DENND5A: variants seen among roughly 807,000 people sequenced by gnomAD.
DENND5A encodes DENN domain containing 5A, also known as DENN domain-containing protein 5A.
A neutral mutation model predicts 140.3 loss-of-function variants in DENND5A; 64 were observed. That is an observed-to-expected ratio of 0.46 (90% CI 0.37 to 0.56). The LOEUF (loss-of-function observed/expected upper bound fraction) is 0.56. Among genes scored for constraint, DENND5A ranks in the 20% least tolerant of loss-of-function variants. The pLI, the probability that DENND5A is intolerant of heterozygous loss-of-function variation, is 0.00. For synonymous variants in DENND5A, 605 were observed against 607.7 expected (o/e 1.00, Z 0.07); for missense variants, 1,292 against 1,593.8 (o/e 0.81, Z 3.22).
At chr11:9,196,968 A>T (rs1849351007) in intron 4 of DENND5A, among the ~76,000 whole-genome samples, 1 of 151,920 alleles carries the variant, frequency 6.6e-6, no homozygotes, top group African/African-American at 2.4e-5. Flanking sequence ...TAATTTAAAG[A>T]ATATTAAAAT....
At position 9,225,655 on chromosome 11, in the gene DENND5A, G is replaced by A. The variant is rs187963812; in HGVS notation, c.110-18023C>T. Among the ~76,000 whole-genome samples, 578 of 152,228 alleles carry A rather than the reference G, an allele frequency of 3.8e-3. 5 individuals are homozygous for A. Among genetic ancestry groups the A allele is most frequent in the African/African-American group, 0.013 (552 of 41,532 alleles). ...GCACATACCTATAATCTGGCTACTC[G>A]GGTGGCTGAGGCAGGGGAATCACTT... On this transcript the variant is annotated intron_variant, in intron 1 of 22. Coordinates refer to ENST00000328194, the MANE Select transcript of DENND5A (RefSeq NM_015213.4).
At chr11:9,206,213 A>T (rs1051003382) in intron 3 of DENND5A, among the ~76,000 whole-genome samples, 3 of 152,226 alleles carry the variant, frequency 2.0e-5, no homozygotes, top group Non-Finnish European at 2.9e-5. Context: ...CTTCCACATG[A>T]GATTTTTAAA....
chr11:9,206,130 T>C (rs561194484), intron 3 of DENND5A, among the ~76,000 whole-genome samples: 104 of 152,352 alleles, frequency 6.8e-4, no homozygotes, highest in Admixed American at 1.2e-3. Context: ...AGTTAATTCA[T>C]ATAAAATGCT....
At chr11:9,243,115 A>C (rs969831048) in intron 1 of DENND5A, among the ~76,000 whole-genome samples, 6 of 149,850 alleles carry the variant, frequency 4.0e-5, no homozygotes. Flanking sequence ...CAAAAAAAAA[A>C]ACTGAGGCGA....
chr11:9,227,002 C>G (rs980111917), intron 1 of DENND5A, among the ~76,000 whole-genome samples: 3 of 151,912 alleles, frequency 2.0e-5, no homozygotes, highest in African/African-American at 7.3e-5. Context: ...AACCCTGTCT[C>G]TACTAAAAAT....
At chr11:9,232,325 T>C (rs1001854720) in intron 1 of DENND5A, among the ~76,000 whole-genome samples, 3 of 151,974 alleles carry the variant, frequency 2.0e-5, no homozygotes, top group Non-Finnish European at 4.4e-5. Flanking sequence ...TTGCACTATA[T>C]ATATATGAAA....
chr11:9,195,058 T>C lies in DENND5A; in HGVS notation c.950-1377A>G, dbSNP rs988609364. Among the ~76,000 whole-genome samples the C allele has an allele frequency of 8.3e-5, 12 of 144,544 alleles. No homozygotes were observed. The Admixed American group carries it at 8.5e-4, about 10-fold the overall frequency. The allele number at this position is 144,544 out of a possible 152,430, so 94.8% of individuals were successfully genotyped here. Reference sequence around the variant, plus strand: ...TTTTAATGACTAATAAATATATTGGTACAGCCAATAAAATTGACTAGTTAA... The same window carrying C: ...TTTTAATGACTAATAAATATATTGGCACAGCCAATAAAATTGACTAGTTAA... On this transcript the variant is annotated intron_variant, in intron 4 of 22. Transcript: ENST00000328194.
chr11:9,252,579 G>A (rs369718514), intron 1 of DENND5A, among the ~76,000 whole-genome samples: 5 of 151,916 alleles, frequency 3.3e-5, no homozygotes, highest in Non-Finnish European at 7.4e-5. Context: ...CCTTGGAGGC[G>A]GAGGCTGCAG....
intron 1 of DENND5A, among the ~76,000 whole-genome samples, chr11:9,232,213 T>C (rs1275805994): frequency 6.6e-6 from 1 of 151,986 alleles, no homozygotes; most frequent in African/African-American, 2.4e-5. Context: ...GCACTAAACA[T>C]TAAGAGAGAA....
chr11:9,206,859 T>C (rs2136216220), intron 2 of DENND5A, 77 bp from the exon 3 acceptor site: 3 of 1,078,976 alleles, frequency 2.8e-6, no homozygotes, highest in South Asian at 1.3e-5. Flanking sequence ...CTGAGCTTGG[T>C]AGTCCAGCAA....
chr11:9,180,708 C>A, intron 6 of DENND5A, 59 bp downstream of exon 6: 1 of 1,530,166 alleles, frequency 6.5e-7, no homozygotes, highest in South Asian at 1.3e-5. Context: ...TACCTTACTT[C>A]ACCAGGACAG....
intron 1 of DENND5A, among the ~76,000 whole-genome samples, chr11:9,220,488 A>C (rs983685002): frequency 6.6e-5 from 10 of 152,212 alleles, no homozygotes; most frequent in African/African-American, 2.4e-4. Context: ...TGGAAGTTGC[A>C]GTGAGCCAAG....
At chr11:9,196,891 G>A (rs60120890) in intron 4 of DENND5A, among the ~76,000 whole-genome samples, 1 of 151,922 alleles carries the variant, frequency 6.6e-6, no homozygotes, top group South Asian at 2.1e-4. Context: ...GATTACAGGC[G>A]TGAGCCACCA....
chr11:9,178,519 TC>T (rs1848620737), intron 7 of DENND5A, among the ~76,000 whole-genome samples, 153 bp from the exon 8 acceptor site: 1 of 151,152 alleles, frequency 6.6e-6, no homozygotes, highest in African/African-American at 2.4e-5. Context: ...AAAAACCCAC[TC>T]ATGTAAGTTC....
At position 9,152,410 on chromosome 11, in the gene DENND5A, A is replaced by C. The variant is rs1376862271; in HGVS notation, c.2469T>G (p.His823Gln). The C allele has an allele frequency of 6.2e-7, 1 of 1,613,896 alleles. No homozygotes were observed. The highest frequency in any genetic ancestry group is 1.7e-5 in the Admixed American group (1 of 60,024). Reference sequence around the variant, plus strand: ...GTTTTCTCTGCCGGTTGTCCTGATAATGTAACAGGTGGGACCATAAGGCTG... The same window carrying C: ...GTTTTCTCTGCCGGTTGTCCTGATACTGTAACAGGTGGGACCATAAGGCTG... ...GKSALWSHLL[H>Q]YQDNRQRKLT... The change falls in exon 13 of 23, where the codon CAT (histidine) becomes CAG (glutamine). Residue 823 changes from histidine to glutamine, a missense_variant. Physicochemically the swap from His to Gln is conservative, Grantham distance 24. This residue lies in a region of DENND5A where 498 missense variants were observed against 689.7 expected (regional missense o/e 0.72). Transcript: ENST00000328194.
intron 15 of DENND5A, among the ~76,000 whole-genome samples, chr11:9,148,604 A>C (rs571893382): frequency 6.6e-6 from 1 of 152,336 alleles, no homozygotes; most frequent in Admixed American, 6.5e-5. Flanking sequence ...GAGATAAAGC[A>C]AAGCAAGGAG....
At chr11:9,193,408 A>G in intron 5 of DENND5A, 86 bp downstream of exon 5, 1 of 1,060,310 alleles carries the variant, frequency 9.4e-7, no homozygotes. Context: ...TAAACTTGGT[A>G]ACATCATGCA....
chr11:9,201,558 T>C (rs1849524199), intron 4 of DENND5A, among the ~76,000 whole-genome samples: 1 of 152,070 alleles, frequency 6.6e-6, no homozygotes, highest in South Asian at 2.1e-4. Flanking sequence ...TAGTTCCAGC[T>C]ACACGGGAAG....
intron 4 of DENND5A, among the ~76,000 whole-genome samples, chr11:9,199,615 C>T (rs868737905): frequency 3.9e-4 from 59 of 151,854 alleles, no homozygotes; most frequent in African/African-American, 1.3e-3. Flanking sequence ...TGACCTATAC[C>T]AAAAAGAAAA....
Sources: allele counts gnomAD v4.1 joint callset (sites outside exome capture counted in the v4.1 genomes callset), GRCh38; gene constraint gnomAD v4.1.1; regional missense constraint gnomAD v4.1.1; transcripts MANE v1.5; gene names NCBI Gene and HGNC (gene_info 2026-07-23, HGNC 2026-07-21).